The following POMP variants were observed in gnomAD, a reference collection of about 807,000 sequenced individuals.
The protein encoded by POMP is 2510048O06Rik.
POMP carries 12 observed loss-of-function variants against 20.6 expected under a neutral mutation model. The observed-to-expected ratio is 0.58, with a 90% CI of 0.37 to 0.94. POMP has a LOEUF of 0.94. Among genes scored for constraint, POMP ranks in the 40% least tolerant of loss-of-function variants. The pLI, the probability that POMP is intolerant of heterozygous loss-of-function variation, is 0.01. For missense variants in POMP, 136 were observed against 161.1 expected (o/e 0.84, Z 0.84); for synonymous variants, 53 against 55.0 (o/e 0.96, Z 0.16).
chr13:28,670,775 G>T (rs1884532658), intron 4 of POMP, among the ~76,000 whole-genome samples: 1 of 152,098 alleles, frequency 6.6e-6, no homozygotes, highest in Non-Finnish European at 1.5e-5. Context: ...GGCCGAGCTG[G>T]GTGGCTCATG....
At chr13:28,664,739 C>G (rs565532400) in intron 3 of POMP, among the ~76,000 whole-genome samples, 170 bp downstream of exon 3, 1 of 152,288 alleles carries the variant, frequency 6.6e-6, no homozygotes, top group East Asian at 1.9e-4. Context: ...CACTGCTCCT[C>G]TAAAGCTCCC....
chr13:28,667,618 A>G (rs1884471885), intron 3 of POMP, among the ~76,000 whole-genome samples: 1 of 152,200 alleles, frequency 6.6e-6, no homozygotes, highest in Non-Finnish European at 1.5e-5. Context: ...CTCTCAATAG[A>G]TTTTTGTTCA....
At chr13:28,665,564 G>C (rs1884429084) in intron 3 of POMP, among the ~76,000 whole-genome samples, 1 of 152,160 alleles carries the variant, frequency 6.6e-6, no homozygotes, top group Non-Finnish European at 1.5e-5. Flanking sequence ...AATGAAAATT[G>C]GTTATAGATG....
intron 5 of POMP, among the ~76,000 whole-genome samples, 156 bp downstream of exon 5, chr13:28,672,588 T>C (rs184881888): frequency 6.6e-6 from 1 of 152,266 alleles, no homozygotes; most frequent in Admixed American, 6.5e-5. Flanking sequence ...GTAGTAACTG[T>C]TCTTTAACTG....
intron 5 of POMP, among the ~76,000 whole-genome samples, chr13:28,673,891 CTG>C (rs1003521791): frequency 1.3e-5 from 2 of 152,162 alleles, no homozygotes; most frequent in Non-Finnish European, 2.9e-5. Flanking sequence ...AAACAAATAT[CTG>C]TGCTTTCAAA....
At chr13:28,677,941 G>C in intron 5 of POMP, 94 bp from the exon 6 acceptor site, 1 of 1,333,240 alleles carries the variant, frequency 7.5e-7, no homozygotes, top group African/African-American at 1.4e-5. Flanking sequence ...CTTTAGGTTA[G>C]TTTTGACTCT....
At chr13:28,668,787 C>T (rs1884490416) in intron 4 of POMP, among the ~76,000 whole-genome samples, 1 of 151,974 alleles carries the variant, frequency 6.6e-6, no homozygotes, top group South Asian at 2.1e-4. Flanking sequence ...TGAAAACTTA[C>T]CTGCATCTGC....
At chr13:28,674,513 A>G (rs895164458) in intron 5 of POMP, among the ~76,000 whole-genome samples, 2 of 152,248 alleles carry the variant, frequency 1.3e-5, no homozygotes, top group African/African-American at 4.8e-5. Context: ...AGAGACCAAT[A>G]GAGAACTGTC....
chr13:28,676,800 A>C (rs1204797348), intron 5 of POMP, among the ~76,000 whole-genome samples: 1 of 152,160 alleles, frequency 6.6e-6, no homozygotes, highest in African/African-American at 2.4e-5. Context: ...GGGGACTTTC[A>C]TGTACTCTAA....
intron 2 of POMP, among the ~76,000 whole-genome samples, chr13:28,663,050 T>G (rs1884375923): frequency 6.6e-6 from 1 of 152,218 alleles, no homozygotes; most frequent in Non-Finnish European, 1.5e-5. Flanking sequence ...TTTTAAATGG[T>G]ACCTGACATT....
chr13:28,673,495 T>C (rs34324771), intron 5 of POMP, among the ~76,000 whole-genome samples: 35,095 of 152,186 alleles, frequency 0.23, 4,530 homozygotes, highest in African/African-American at 0.32. Flanking sequence ...TGTCCAATGC[T>C]GCCTCTGCTC....
At chr13:28,670,247 T>A (rs538950550) in intron 4 of POMP, among the ~76,000 whole-genome samples, 1 of 152,340 alleles carries the variant, frequency 6.6e-6, no homozygotes, top group South Asian at 2.1e-4. Flanking sequence ...GAATAACTCA[T>A]AATCCCATAA....
At position 28,659,146 on chromosome 13, in the gene POMP, G is replaced by C. The variant is rs779853022; in HGVS notation, c.-39G>C. On this transcript the variant is annotated 5_prime_UTR_variant, in exon 1 of 6. Transcript: ENST00000380842. ...GAAGTGAGCGGCGGGGTCGACTGAC[G>C]GTAACGGGGCAGAGAGGCTGTTCGC... The C allele has an allele frequency of 2.5e-6, 4 of 1,574,738 alleles. No individual in the cohort carries two copies. The highest frequency in any genetic ancestry group is 3.4e-6 in the Non-Finnish European group (4 of 1,161,056).
Position 28,677,971 on chromosome 13 carries a change from A to G in POMP, c.359-64A>G, listed in dbSNP as rs2480479. 6.5e-3 allele frequency: 9,666 copies of G among 1,489,134 alleles called. 524 individuals are homozygous for G. In the African/African-American group the frequency reaches 0.12, roughly 18 times the overall value. The allele number at this position is 1,489,134 out of a possible 1,614,324, so 92.2% of individuals were successfully genotyped here. On this transcript the variant is annotated intron_variant, in intron 5 of 5. Transcript: ENST00000380842. ...GACTCTTCTGGATTCTTATGTAAGC[A>G]GAATCATTGAATGTATCTCTTTTTT...
intron 4 of POMP, among the ~76,000 whole-genome samples, chr13:28,668,828 T>TATTAC (rs1480660300): frequency 1.3e-5 from 2 of 152,142 alleles, no homozygotes; most frequent in Admixed American, 1.3e-4. Context: ...TTTTTTTATG[T>TATTAC]ATTACATTGA....
rs1884669327 is a variant in POMP, at chr13:28,678,466, A to G, written c.*364A>G. On this transcript the variant is annotated 3_prime_UTR_variant, in exon 6 of 6. Coordinates refer to ENST00000380842, the MANE Select transcript of POMP (RefSeq NM_015932.6). ...CATTTGAGTCTATAAACTTTATAGTAGCATCTTTCAGAATAAACATTTTTA... is the reference window on the plus strand; with the variant it reads ...CATTTGAGTCTATAAACTTTATAGTGGCATCTTTCAGAATAAACATTTTTA... The G allele has an allele frequency of 4.3e-6, 1 of 232,418 alleles. No individual in the cohort carries two copies. Among genetic ancestry groups the G allele is most frequent in the South Asian group, 5.7e-5 (1 of 17,680 alleles). 14.4% of individuals were successfully genotyped at this position (232,418 alleles called of 1,614,324 possible).
intron 1 of POMP, among the ~76,000 whole-genome samples, chr13:28,661,861 C>T (rs774823705): frequency 6.6e-6 from 1 of 152,110 alleles, no homozygotes; most frequent in Admixed American, 6.5e-5. Flanking sequence ...TTTTCCTTGT[C>T]CTCAGGGAAT....
intron 3 of POMP, among the ~76,000 whole-genome samples, chr13:28,666,705 G>A (rs932794546): frequency 6.6e-6 from 1 of 152,200 alleles, no homozygotes; most frequent in Non-Finnish European, 1.5e-5. Context: ...TCTGGAGTTA[G>A]TAATAGCCCA....
chr13:28,667,028 G>A (rs73160093), intron 3 of POMP, among the ~76,000 whole-genome samples: 4,824 of 152,234 alleles, frequency 0.032, 94 homozygotes, highest in South Asian at 0.057. Flanking sequence ...TCAGTAGTGC[G>A]GAGGGTTGAG....
Sources: allele counts gnomAD v4.1 joint callset (sites outside exome capture counted in the v4.1 genomes callset), GRCh38; gene constraint gnomAD v4.1.1; transcripts MANE v1.5; gene names NCBI Gene and HGNC (gene_info 2026-07-23, HGNC 2026-07-21).